The following TMPRSS11D variants were observed in gnomAD, a reference collection of about 807,000 sequenced individuals.
TMPRSS11D encodes the protein transmembrane protease serine 11D.
A neutral mutation model predicts 44.4 loss-of-function variants in TMPRSS11D; 32 were observed. The ratio of observed to expected loss-of-function variants is 0.72; its 90% CI spans 0.54 to 0.97. The LOEUF (loss-of-function observed/expected upper bound fraction) is 0.97. Among genes scored for constraint, TMPRSS11D ranks in the 50% least tolerant of loss-of-function variants. TMPRSS11D has a pLI of 0.00. For synonymous variants in TMPRSS11D, 179 were observed against 177.9 expected (o/e 1.01, Z -0.05); for missense variants, 446 against 502.6 (o/e 0.89, Z 1.08).
At chr4:67,850,571 C>T (rs1370498277) in intron 3 of TMPRSS11D, among the ~76,000 whole-genome samples, 1 of 152,118 alleles carries the variant, frequency 6.6e-6, no homozygotes, top group Non-Finnish European at 1.5e-5. Context: ...AGCTGACACC[C>T]CAGGGAAGCG....
chr4:67,833,895 C>T (rs1286954638), intron 6 of TMPRSS11D, among the ~76,000 whole-genome samples: 4 of 152,078 alleles, frequency 2.6e-5, no homozygotes, highest in Admixed American at 1.3e-4. Flanking sequence ...CTGGTCTCAT[C>T]CAAAAGACTC....
intron 3 of TMPRSS11D, among the ~76,000 whole-genome samples, chr4:67,847,402 T>C (rs1718384687): frequency 1.3e-5 from 2 of 152,226 alleles, no homozygotes; most frequent in South Asian, 4.1e-4. Context: ...CATATTAGGG[T>C]TATTACAAAG....
chr4:67,880,640 C>CT (rs886088692), intron 1 of TMPRSS11D, among the ~76,000 whole-genome samples: 30 of 150,970 alleles, frequency 2.0e-4, no homozygotes, highest in African/African-American at 5.3e-4. Flanking sequence ...AATTTTTAAT[C>CT]TTTTTTTTTG....
At position 67,821,402 on chromosome 4, in the gene TMPRSS11D, C is replaced by G. The variant is rs934528525; in HGVS notation, c.*935G>C. On this transcript the variant is annotated 3_prime_UTR_variant, in exon 10 of 10. Transcript: ENST00000283916. ...CCCTCTTTAAACTTTCAATTCGTTA[C>G]TTAGATTTAGCGTTTGACGACCCTT... 6.6e-6 allele frequency: 1 copy of G among 152,118 alleles called. No individual in the cohort carries two copies. The highest frequency in any genetic ancestry group is 2.4e-5 in the African/African-American group (1 of 41,404). 9.4% of individuals were successfully genotyped at this position (152,118 alleles called of 1,614,324 possible).
At chr4:67,853,419 A>T (rs763167783) in intron 3 of TMPRSS11D, among the ~76,000 whole-genome samples, 1 of 152,234 alleles carries the variant, frequency 6.6e-6, no homozygotes, top group Non-Finnish European at 1.5e-5. Context: ...TTGTAGAACC[A>T]TTGAATTACT....
In TMPRSS11D at chr4:67,822,052, G is replaced by T. The variant is rs933256481; in HGVS notation, c.*285C>A. The T allele has an allele frequency of 3.5e-6, 1 of 284,930 alleles. No homozygotes were observed. Among genetic ancestry groups the T allele is most frequent in the Non-Finnish European group, 6.7e-6 (1 of 149,654 alleles). The allele number at this position is 284,930 out of a possible 1,614,324, so 17.7% of individuals were successfully genotyped here. ...CAAGGTTCCTGTTCTTCTCACTACG[G>T]GCATTTAGCACAACTGTAATGAAAT... On this transcript the variant is annotated 3_prime_UTR_variant, in exon 10 of 10. Transcript: ENST00000283916.
intron 3 of TMPRSS11D, among the ~76,000 whole-genome samples, chr4:67,845,553 A>G (rs1281381388): frequency 3.3e-5 from 5 of 152,128 alleles, no homozygotes; most frequent in African/African-American, 9.7e-5. Context: ...ACTTTTCATA[A>G]GTTTTACATT....
chr4:67,838,306 G>A lies in TMPRSS11D; in HGVS notation c.341C>T (p.Ala114Val), dbSNP rs769440865. 1.3e-5 allele frequency: 20 copies of A among 1,586,058 alleles called. No homozygotes were observed. The highest frequency in any genetic ancestry group is 3.3e-4 in the Middle Eastern group (2 of 6,002). Residue 114 changes from alanine (A) to valine (V), a missense_variant, in exon 5 of 10, where the codon GCG becomes GTG. Transcript: ENST00000283916. The stretch of plus-strand genomic sequence containing the variant: ...GAATTGAAATTTCATGACAACATCC[G>A]CTCTCACACCACTACCATCTTGCCT... ...KLRQDGSGVR[A>V]DVVMKFQFTR... is the part of the protein sequence containing the mutation.
chr4:67,831,977 A>G (rs563998492), intron 7 of TMPRSS11D, among the ~76,000 whole-genome samples: 22 of 152,304 alleles, frequency 1.4e-4, no homozygotes, highest in Admixed American at 1.3e-3. Flanking sequence ...TCACTGTACC[A>G]TGAAGTAGTG....
chr4:67,838,094 T>C (rs1286409666), intron 5 of TMPRSS11D, 78 bp downstream of exon 5: 23 of 1,238,242 alleles, frequency 1.9e-5, no homozygotes, highest in Non-Finnish European at 1.7e-5. Flanking sequence ...AGTCAGCCTC[T>C]CAATTAAAAT....
At chr4:67,871,059 A>T (rs996898545) in intron 1 of TMPRSS11D, among the ~76,000 whole-genome samples, 4 of 152,160 alleles carry the variant, frequency 2.6e-5, no homozygotes, top group Non-Finnish European at 5.9e-5. Flanking sequence ...GGCTTCTAGT[A>T]TATTTAATAC....
chr4:67,835,071 A>G lies in TMPRSS11D; in HGVS notation c.514+12T>C, dbSNP rs746000158. On this transcript the variant is annotated intron_variant, in intron 6 of 9. Transcript: ENST00000283916. ...TGGCAAATTACAGTTACAAAATAATATTAAAACTTACCATTAATAAGCCAA... is the reference window on the plus strand; with the variant it reads ...TGGCAAATTACAGTTACAAAATAATGTTAAAACTTACCATTAATAAGCCAA... 1.1e-5 allele frequency: 18 copies of G among 1,611,208 alleles called. No homozygotes were observed. Among genetic ancestry groups the G allele is most frequent in the Non-Finnish European group, 1.2e-5 (14 of 1,177,950 alleles).
At position 67,870,448 on chromosome 4, in the gene TMPRSS11D, G is replaced by C. The variant is rs953594048; in HGVS notation, c.9-10770C>G. On this transcript the variant is annotated intron_variant, in intron 1 of 9. Coordinates refer to ENST00000283916, the MANE Select transcript of TMPRSS11D (RefSeq NM_004262.3). Reference sequence around the variant, plus strand: ...CTTACCTCAGGTTTTCACAGGGCTTGCTCCCTGGCCTCTTGTATGTCTTTG... The same window carrying C: ...CTTACCTCAGGTTTTCACAGGGCTTCCTCCCTGGCCTCTTGTATGTCTTTG... Among the ~76,000 whole-genome samples the C allele has an allele frequency of 3.3e-4, 51 of 152,278 alleles. 2 individuals carry two copies. Among genetic ancestry groups the C allele is most frequent in the African/African-American group, 1.1e-3 (47 of 41,548 alleles).
At chr4:67,846,848 A>G (rs1222920921) in intron 3 of TMPRSS11D, among the ~76,000 whole-genome samples, 1 of 152,162 alleles carries the variant, frequency 6.6e-6, no homozygotes, top group Non-Finnish European at 1.5e-5. Context: ...CTAATGATGG[A>G]CACATTGCTA....
intron 1 of TMPRSS11D, among the ~76,000 whole-genome samples, chr4:67,882,915 G>GT: frequency 1.3e-5 from 2 of 151,800 alleles, no homozygotes; most frequent in Admixed American, 6.6e-5. Flanking sequence ...TACTTCATAG[G>GT]TTTTTAAGCT....
intron 2 of TMPRSS11D, 113 bp downstream of exon 2, chr4:67,859,444 A>G (rs1158811866): frequency 1.7e-6 from 2 of 1,208,242 alleles, no homozygotes; most frequent in Non-Finnish European, 2.3e-6. Context: ...TAAGATATAT[A>G]ATCACATTAT....
chr4:67,849,092 G>A (rs1282245845), intron 3 of TMPRSS11D, among the ~76,000 whole-genome samples: 3 of 152,106 alleles, frequency 2.0e-5, no homozygotes, highest in Non-Finnish European at 2.9e-5. Context: ...AGGAAATACA[G>A]GGGATTAAGA....
At chr4:67,853,308 C>G (rs1718553282) in intron 3 of TMPRSS11D, among the ~76,000 whole-genome samples, 1 of 152,100 alleles carries the variant, frequency 6.6e-6, no homozygotes, top group South Asian at 2.1e-4. Flanking sequence ...GGATTAAAAG[C>G]CTGGATTAAG....
At position 67,825,881 on chromosome 4, in the gene TMPRSS11D, G is replaced by C. The variant is rs796524475; in HGVS notation, c.953-7C>G. ...AGCTCTGGAACTGTGTGGCCTGTTT[G>C]TTATAAAAGCAGGAAAAAAATGGAC... On this transcript the variant is annotated splice_region_variant and splice_polypyrimidine_tract_variant and intron_variant, in intron 8 of 9. Coordinates refer to ENST00000283916, the MANE Select transcript of TMPRSS11D (RefSeq NM_004262.3). 2.5e-6 allele frequency: 4 copies of C among 1,602,002 alleles called. No individual in the cohort carries two copies. The South Asian group carries it at 3.4e-5, about 13-fold the overall frequency.
Sources: gnomAD v4.1 joint callset for allele counts (sites outside exome capture counted in the v4.1 genomes callset) on GRCh38, gnomAD v4.1.1 for gene constraint, MANE v1.5 for transcripts, NCBI Gene and HGNC (gene_info 2026-07-23, HGNC 2026-07-21) for gene names.